The following CCDC88C variants were observed in gnomAD, a reference collection of about 807,000 sequenced individuals.
CCDC88C encodes coiled-coil and HOOK domain protein 88C.
CCDC88C carries 131 observed loss-of-function variants against 198.8 expected under a neutral mutation model. The observed-to-expected ratio is 0.66, with a 90% CI of 0.57 to 0.76. The LOEUF (loss-of-function observed/expected upper bound fraction) is 0.76, where lower values mean the gene tolerates loss of function less well. Among genes scored for constraint, CCDC88C ranks in the 30% least tolerant of loss-of-function variants. CCDC88C has a pLI of 0.00. For synonymous variants in CCDC88C, 1,166 were observed against 1,114.7 expected, an observed-to-expected ratio of 1.05 and a Z score of -0.92; for missense variants, 2,553 against 2,631.6, an observed-to-expected ratio of 0.97 and a Z score of 0.65.
At chr14:91,294,135 T>A (rs749128853) in intron 23 of CCDC88C, 38 bp downstream of exon 23, 5 of 1,609,810 alleles carry the variant, frequency 3.1e-6, no homozygotes, top group Non-Finnish European at 4.2e-6. Context: ...GCAGCTGTGG[T>A]GAGGGTGCGG....
intron 3 of CCDC88C, among the ~76,000 whole-genome samples, chr14:91,385,895 G>A (rs775943487): frequency 5.3e-5 from 8 of 152,134 alleles, no homozygotes; most frequent in Non-Finnish European, 1.2e-4. Context: ...CCTCCTAGGA[G>A]AACTGTCCAC....
chr14:91,338,091 C>T lies in CCDC88C; in HGVS notation c.964G>A (p.Ala322Thr), dbSNP rs748372704. The T allele has an allele frequency of 6.2e-7, 1 of 1,613,904 alleles. No individual in the cohort carries two copies. Among genetic ancestry groups the T allele is most frequent in the Non-Finnish European group, 8.5e-7 (1 of 1,179,896 alleles). The change falls in exon 10 of 30, where the codon GCG becomes ACG. Residue 322 changes from alanine (A) to threonine (T), a missense_variant. Physicochemically the swap from Ala to Thr is moderately conservative, Grantham distance 58. Transcript: ENST00000389857. The surrounding 1 kb of genome is among the most constrained non-coding windows in gnomAD (Gnocchi z 4.8). ...RDELDSLREK[A>T]NRVERLELEL... ...AGCTCCAGCCTCTCCACGCGGTTCG[C>T]CTTCTCCCGCAGGGAATCCAGCTCG...
intron 17 of CCDC88C, among the ~76,000 whole-genome samples, chr14:91,307,815 A>G (rs375710137): frequency 6.6e-6 from 1 of 152,244 alleles, no homozygotes. Flanking sequence ...GGGCACATGT[A>G]TAATACATGT....
chr14:91,289,181 G>C lies in CCDC88C; in HGVS notation c.4365C>G (p.Ala1455=), dbSNP rs780519044. The part of the protein sequence containing the change: ...PAASQPLRSQ[A]ENPDTPALGS... Reference sequence around the variant, plus strand: ...CCAGTGCGGGGGTGTCGGGGTTCTCGGCCTGTGATCTGAGCGGCTGAGAGG... The same window carrying C: ...CCAGTGCGGGGGTGTCGGGGTTCTCCGCCTGTGATCTGAGCGGCTGAGAGG... Residue 1455 remains alanine (A), a synonymous_variant, in exon 25 of 30, where the codon GCC becomes GCG. Coordinates refer to ENST00000389857, the MANE Select transcript of CCDC88C (RefSeq NM_001080414.4). The C allele has an allele frequency of 3.3e-5, 53 of 1,613,776 alleles. No individual in the cohort carries two copies. Among genetic ancestry groups the C allele is most frequent in the Admixed American group, 1.0e-4 (6 of 60,008 alleles).
chr14:91,293,361 ACGGCC>A (rs1890783381), intron 23 of CCDC88C, among the ~76,000 whole-genome samples: 1 of 80,898 alleles, frequency 1.2e-5, no homozygotes, highest in Admixed American at 1.4e-4. Context: ...CTCGCCTGCC[ACGGCC>A]CACCTTCCTG....
In CCDC88C at chr14:91,305,737, G is replaced by A. The variant is rs750040757; in HGVS notation, c.3357+28C>T. 5.0e-6 allele frequency: 8 copies of A among 1,585,842 alleles called. No individual in the cohort carries two copies. The East Asian group carries it at 6.8e-5, about 13-fold the overall frequency. On this transcript the variant is annotated intron_variant, in intron 19 of 29. Coordinates refer to ENST00000389857, the MANE Select transcript of CCDC88C (RefSeq NM_001080414.4). ...CAGATAAACATCCCGCCAGGCTTGT[G>A]ACCACTGGTGTTGGGAGCCCCGCTC...
rs913468849 is a variant in CCDC88C at position 91,284,188 on chromosome 14, A to T, written c.4442-671T>A. ...AACCAAGTACCCCACAGGAAAGAGG[A>T]CAGGCTCTCCCAACACAAGATAAAA... On this transcript the variant is annotated intron_variant, in intron 25 of 29. Transcript: ENST00000389857. The surrounding 1 kb of genome is among the most constrained non-coding windows in gnomAD (Gnocchi z 4.1). 3.3e-5 allele frequency among the ~76,000 whole-genome samples: 5 copies of T among 152,234 alleles called. No homozygotes were observed. The highest frequency in any genetic ancestry group is 5.9e-5 in the Non-Finnish European group (4 of 68,026).
intron 15 of CCDC88C, 79 bp from the exon 16 acceptor site, chr14:91,310,065 G>A (rs1290662267): frequency 1.4e-5 from 20 of 1,398,856 alleles, no homozygotes; most frequent in Non-Finnish European, 1.9e-5. Context: ...CCGCCCGGGT[G>A]TGAGCAACTG....
chr14:91,386,302 A>AC (rs1029450433), intron 3 of CCDC88C, among the ~76,000 whole-genome samples: 1 of 150,526 alleles, frequency 6.6e-6, no homozygotes, highest in East Asian at 1.9e-4. Context: ...AAAAAAAAAA[A>AC]AACAAAAACC....
intron 22 of CCDC88C, among the ~76,000 whole-genome samples, chr14:91,294,845 G>T (rs903639231): frequency 6.6e-6 from 1 of 152,122 alleles, no homozygotes; most frequent in Non-Finnish European, 1.5e-5. Flanking sequence ...TTTTAGTAGA[G>T]ACGGGGTTTC....
rs965245351 is a variant in CCDC88C, at chr14:91,273,746, C to T, written c.5059-93G>A. ...GCGCGGGACGCCCCCGAGCAGCCCA[C>T]GTGGCTGGGACCGCAGTTCCTGCCT... is the stretch of plus-strand genomic sequence containing the variant. On this transcript the variant is annotated intron_variant, in intron 29 of 29. Transcript: ENST00000389857. The surrounding 1 kb of genome is among the most constrained non-coding windows in gnomAD (Gnocchi z 5.6). The T allele has an allele frequency of 1.7e-5, 20 of 1,145,028 alleles. No individual in the cohort carries two copies. The highest frequency in any genetic ancestry group is 3.2e-5 in the African/African-American group (2 of 62,904). The allele number at this position is 1,145,028 out of a possible 1,614,324, so 70.9% of individuals were successfully genotyped here. A position where few individuals can be genotyped will look rare whatever the true frequency, so the allele number is the denominator to read the frequency against.
chr14:91,385,677 C>T (rs1885089711), intron 3 of CCDC88C, among the ~76,000 whole-genome samples: 1 of 152,124 alleles, frequency 6.6e-6, no homozygotes. Flanking sequence ...TAAAAGCCTG[C>T]TTTTGACCAG....
intron 22 of CCDC88C, 93 bp from the exon 23 acceptor site, chr14:91,294,411 A>G: frequency 4.2e-6 from 6 of 1,416,912 alleles, no homozygotes; most frequent in Middle Eastern, 1.9e-4. Flanking sequence ...GCCACTGCAC[A>G]AAGATGTTCA....
At chr14:91,332,889 G>A (rs1892893918) in intron 10 of CCDC88C, among the ~76,000 whole-genome samples, 1 of 152,224 alleles carries the variant, frequency 6.6e-6, no homozygotes, top group Non-Finnish European at 1.5e-5. Flanking sequence ...CACCTGCTGG[G>A]GCTCAAGGTC....
intron 10 of CCDC88C, among the ~76,000 whole-genome samples, chr14:91,328,087 C>T (rs1892652690): frequency 6.6e-6 from 1 of 152,214 alleles, no homozygotes; most frequent in Non-Finnish European, 1.5e-5. Context: ...TGTTCAATAA[C>T]ACTACTTGGC....
chr14:91,381,068 C>T lies in CCDC88C; in HGVS notation c.271-21357G>A, dbSNP rs1884762801. Among the ~76,000 whole-genome samples, 1 of 152,178 alleles carries T rather than the reference C, an allele frequency of 6.6e-6. No homozygotes were observed. Among genetic ancestry groups the T allele is most frequent in the Non-Finnish European group, 1.5e-5 (1 of 68,026 alleles). On this transcript the variant is annotated intron_variant, in intron 3 of 29. Coordinates refer to ENST00000389857, the MANE Select transcript of CCDC88C (RefSeq NM_001080414.4). The surrounding 1 kb of genome is among the most constrained non-coding windows in gnomAD (Gnocchi z 4.2). The stretch of plus-strand genomic sequence containing the variant: ...AACAGGGCTGTGAAGCAGTGTGTGC[C>T]CTGGTCCACCCTCTGTTTAACCCAC...
In CCDC88C at chr14:91,371,835, T is replaced by A. The variant is rs1194626162; in HGVS notation, c.271-12124A>T. Among the ~76,000 whole-genome samples, 1 of 152,140 alleles carries A rather than the reference T, an allele frequency of 6.6e-6. No homozygotes were observed. The highest frequency in any genetic ancestry group is 2.4e-5 in the African/African-American group (1 of 41,432). On this transcript the variant is annotated intron_variant, in intron 3 of 29. Transcript: ENST00000389857. This position sits in a 1 kb window ranked among gnomAD's most constrained non-coding sequence, Gnocchi z 4.2. ...CCCTGGCAGCCCTCACCCGGTGGCC[T>A]GACAATGCCGCTTCACTCCCAGGCA...
chr14:91,364,231 G>A (rs530910631), intron 3 of CCDC88C, among the ~76,000 whole-genome samples: 1 of 152,294 alleles, frequency 6.6e-6, no homozygotes, highest in East Asian at 1.9e-4. Context: ...CCCTCCAAGG[G>A]AACCCCCTTC....
At chr14:91,334,532 G>A (rs1028717821) in intron 10 of CCDC88C, among the ~76,000 whole-genome samples, 3 of 152,210 alleles carry the variant, frequency 2.0e-5, no homozygotes, top group Non-Finnish European at 4.4e-5. Flanking sequence ...ATAGGCATGG[G>A]CCACCACGCC....
Sources: allele counts gnomAD v4.1 joint callset (sites outside exome capture counted in the v4.1 genomes callset), GRCh38; gene constraint gnomAD v4.1.1; non-coding constraint Gnocchi (gnomAD v3.1); transcripts MANE v1.5; gene names NCBI Gene and HGNC (gene_info 2026-07-23, HGNC 2026-07-21).